The following SNX31 variants were observed in gnomAD, a reference collection of about 807,000 sequenced individuals.
The protein encoded by SNX31 is sorting nexin-31.
SNX31 carries 58 observed loss-of-function variants against 65.4 expected under a neutral mutation model. The ratio of observed to expected loss-of-function variants is 0.89; its 90% CI spans 0.72 to 1.10. The LOEUF (loss-of-function observed/expected upper bound fraction) is 1.10, where lower values mean the gene tolerates loss of function less well. SNX31 is among the 50% of genes least tolerant of loss of function. SNX31 has a pLI of 0.00. For missense variants in SNX31, 523 were observed against 529.7 expected (o/e 0.99, Z 0.12); for synonymous variants, 181 against 190.1 (o/e 0.95, Z 0.39).
chr8:100,635,214 C>T (rs1003049785), intron 3 of SNX31, among the ~76,000 whole-genome samples: 2 of 121,036 alleles, frequency 1.7e-5, no homozygotes, highest in African/African-American at 6.5e-5. Context: ...ATAGTGAGAC[C>T]TCATCTCTTT....
intron 8 of SNX31, among the ~76,000 whole-genome samples, chr8:100,606,291 T>C (rs1445734910): frequency 6.6e-6 from 1 of 152,180 alleles, no homozygotes; most frequent in South Asian, 2.1e-4. Flanking sequence ...TGCTTCAGCC[T>C]CTCAAAGTGC....
chr8:100,608,201 A>G lies in SNX31; in HGVS notation c.681+293T>C, dbSNP rs535467323. Among the ~76,000 whole-genome samples, 3 of 152,344 alleles carry G rather than the reference A, an allele frequency of 2.0e-5. No individual in the cohort carries two copies. In the East Asian group the frequency reaches 5.8e-4, roughly 29 times the overall value. ...ACGTAACTTGTCATTTTAACTATTC[A>G]CAAAATTCAGAGTCATTATATACAT... On this transcript the variant is annotated intron_variant, in intron 8 of 13. Transcript: ENST00000311812.
upstream of SNX31, among the ~76,000 whole-genome samples, chr8:100,653,007 A>G (rs1820001059): frequency 6.6e-6 from 1 of 152,194 alleles, no homozygotes; most frequent in Non-Finnish European, 1.5e-5. Context: ...ACCTATTTTG[A>G]GCAAACACAG....
At chr8:100,586,219 C>A (rs928987769) in intron 11 of SNX31, among the ~76,000 whole-genome samples, 3 of 152,204 alleles carry the variant, frequency 2.0e-5, no homozygotes, top group Admixed American at 1.3e-4. Context: ...CTGCGCCTGG[C>A]CAACAATTCA....
intron 10 of SNX31, among the ~76,000 whole-genome samples, chr8:100,595,832 A>C (rs1815030917): frequency 6.6e-6 from 1 of 152,230 alleles, no homozygotes; most frequent in Non-Finnish European, 1.5e-5. Flanking sequence ...GGGTCTGGGC[A>C]TTGATTTCAG....
At chr8:100,645,011 G>A (rs1819529778) in intron 2 of SNX31, among the ~76,000 whole-genome samples, 1 of 152,232 alleles carries the variant, frequency 6.6e-6, no homozygotes, top group East Asian at 1.9e-4. Context: ...CCCTGGCTGA[G>A]ATGGAGTAGA....
chr8:100,579,917 C>T (rs564463553), intron 12 of SNX31, among the ~76,000 whole-genome samples: 21 of 151,790 alleles, frequency 1.4e-4, no homozygotes, highest in South Asian at 4.2e-4. Flanking sequence ...CTCAGCACTT[C>T]GGGAGGCCAA....
intron 1 of SNX31, among the ~76,000 whole-genome samples, chr8:100,662,585 T>C (rs1809805703): frequency 6.6e-6 from 1 of 152,136 alleles, no homozygotes; most frequent in South Asian, 2.1e-4. Flanking sequence ...TAATCCCAGC[T>C]ACCTGGGAGG....
At position 100,596,859 on chromosome 8, in the gene SNX31, G is replaced by A. The variant is rs552806787; in HGVS notation, c.775-17C>T. The A allele has an allele frequency of 2.5e-6, 4 of 1,611,816 alleles. No homozygotes were observed. The South Asian group carries it at 4.4e-5, about 18-fold the overall frequency. Reference sequence around the variant, plus strand: ...CTCCAAAAACTGCTCCAAAGAGGGTGATGTGGGGGGAGGGGAGGCAAGAGG... The same window carrying A: ...CTCCAAAAACTGCTCCAAAGAGGGTAATGTGGGGGGAGGGGAGGCAAGAGG... On this transcript the variant is annotated splice_polypyrimidine_tract_variant and intron_variant, in intron 9 of 13. Coordinates refer to ENST00000311812, the MANE Select transcript of SNX31 (RefSeq NM_152628.4).
At chr8:100,633,434 A>G (rs1818543055) in intron 3 of SNX31, among the ~76,000 whole-genome samples, 1 of 148,402 alleles carries the variant, frequency 6.7e-6, no homozygotes, top group Admixed American at 6.7e-5. Context: ...ATGGAGTTTC[A>G]CTCTCACTGC....
chr8:100,583,430 T>TA (rs145623574), intron 12 of SNX31, among the ~76,000 whole-genome samples: 7,765 of 150,194 alleles, frequency 0.052, 456 homozygotes, highest in Admixed American at 0.17. Context: ...TCTAATCATT[T>TA]AAAAAAAAAA....
At chr8:100,653,513 C>T (rs573265022), upstream of SNX31, among the ~76,000 whole-genome samples, 22 of 152,274 alleles carry the variant, frequency 1.4e-4, no homozygotes, top group African/African-American at 4.1e-4. Flanking sequence ...CACATGAAGA[C>T]GAGGCAGAGC....
rs1293053617 is a variant in SNX31, at chr8:100,604,974, C to G, written c.681+3520G>C. Among the ~76,000 whole-genome samples the G allele has an allele frequency of 6.6e-6, 1 of 152,100 alleles. No individual in the cohort carries two copies. The highest frequency in any genetic ancestry group is 2.4e-5 in the African/African-American group (1 of 41,402). ...AGTACAGTGACATATTCTTGGCTCC[C>G]TGCAACCTCTGCCTCCTGGGTTCAA... On this transcript the variant is annotated intron_variant, in intron 8 of 13. Coordinates refer to ENST00000311812, the MANE Select transcript of SNX31 (RefSeq NM_152628.4). This position sits in a 1 kb window ranked among gnomAD's most constrained non-coding sequence, Gnocchi z 4.3.
rs1422766683 is a variant in SNX31 at position 100,607,177 on chromosome 8, C to G, written c.681+1317G>C. Among the ~76,000 whole-genome samples, 3 of 152,194 alleles carry G rather than the reference C, an allele frequency of 2.0e-5. No homozygotes were observed. In the East Asian group the frequency reaches 5.8e-4, roughly 29 times the overall value. On this transcript the variant is annotated intron_variant, in intron 8 of 13. Coordinates refer to ENST00000311812, the MANE Select transcript of SNX31 (RefSeq NM_152628.4). Reference sequence around the variant, plus strand: ...TGGAGCAGGGCAGGGCTGTGACCCACCACCCTGCCTGCTGCCTGAGAATAG... The same window carrying G: ...TGGAGCAGGGCAGGGCTGTGACCCAGCACCCTGCCTGCTGCCTGAGAATAG...
rs1369544028 is a variant in SNX31, at chr8:100,613,896, T to C, written c.433-811A>G. On this transcript the variant is annotated intron_variant, in intron 5 of 13. Transcript: ENST00000311812. This position sits in a 1 kb window ranked among gnomAD's most constrained non-coding sequence, Gnocchi z 5.2. The stretch of plus-strand genomic sequence containing the variant: ...TCGAGTAATTTCTTTATACTCCTGG[T>C]CTTAACTCACTAAATCACCTCTGTA... 6.6e-6 allele frequency among the ~76,000 whole-genome samples: 1 copy of C among 152,126 alleles called. No individual in the cohort carries two copies. The highest frequency in any genetic ancestry group is 1.5e-5 in the Non-Finnish European group (1 of 68,006).
At position 100,642,076 on chromosome 8, in the gene SNX31, C is replaced by T. The variant is rs577679291; in HGVS notation, c.142-6065G>A. On this transcript the variant is annotated intron_variant, in intron 2 of 13. Transcript: ENST00000311812. ...CCTGGGCGACAGAGCGAGACTCCAT[C>T]TCAAACAAACAAACAAACAAAATAT... 9.9e-5 allele frequency among the ~76,000 whole-genome samples: 11 copies of T among 111,654 alleles called. No individual in the cohort carries two copies. The South Asian group carries it at 3.2e-3, about 32-fold the overall frequency. The allele number at this position is 111,654 out of a possible 152,430, so 73.2% of individuals were successfully genotyped here.
rs1385988841 is a variant in SNX31 at position 100,630,508 on chromosome 8, A to G, written c.257-117T>C. 1 of 810,358 alleles carries G rather than the reference A, an allele frequency of 1.2e-6. No homozygotes were observed. Among genetic ancestry groups the G allele is most frequent in the African/African-American group, 1.8e-5 (1 of 56,356 alleles). 50.2% of individuals were successfully genotyped at this position (810,358 alleles called of 1,614,324 possible). A position where few individuals can be genotyped will look rare whatever the true frequency, so the allele number is the denominator to read the frequency against. ...TGCCAGTGCTCTGTCTCCTCCCTGAAGTGATAAATGTTGAAACCTCTCAAA... is the reference window on the plus strand; with the variant it reads ...TGCCAGTGCTCTGTCTCCTCCCTGAGGTGATAAATGTTGAAACCTCTCAAA... On this transcript the variant is annotated intron_variant, in intron 3 of 13. Coordinates refer to ENST00000311812, the MANE Select transcript of SNX31 (RefSeq NM_152628.4). The surrounding 1 kb of genome is among the most constrained non-coding windows in gnomAD (Gnocchi z 5.3).
chr8:100,622,695 A>AAT lies in SNX31; in HGVS notation c.322-4966_322-4965insAT, dbSNP rs1357791318. Reference sequence around the variant, plus strand: ...AAATAAATAAATAAATAAATAAATAAAAATAAAAATAAATTAAATGGGGGC... The same window carrying AAT: ...AAATAAATAAATAAATAAATAAATAAATAAATAAAAATAAATTAAATGGGGGC... On this transcript the variant is annotated intron_variant, in intron 4 of 13. Transcript: ENST00000311812. The surrounding 1 kb of genome is among the most constrained non-coding windows in gnomAD (Gnocchi z 5.0). Among the ~76,000 whole-genome samples, 1 of 149,880 alleles carries AAT rather than the reference A, an allele frequency of 6.7e-6. No individual in the cohort carries two copies. Among genetic ancestry groups the AAT allele is most frequent in the Non-Finnish European group, 1.5e-5 (1 of 67,510 alleles).
chr8:100,575,074 T>C lies in SNX31; in HGVS notation c.1228-1114A>G, dbSNP rs1265737748. On this transcript the variant is annotated intron_variant, in intron 13 of 13. Transcript: ENST00000311812. The surrounding 1 kb of genome is among the most constrained non-coding windows in gnomAD (Gnocchi z 5.1). ...GGAAAGTGGAAAGTGAAAAAAAAAATGTGGAGCCCCTCAGTGGGCAGATGG... is the reference window on the plus strand; with the variant it reads ...GGAAAGTGGAAAGTGAAAAAAAAAACGTGGAGCCCCTCAGTGGGCAGATGG... Among the ~76,000 whole-genome samples, 1 of 151,834 alleles carries C rather than the reference T, an allele frequency of 6.6e-6. No homozygotes were observed. The highest frequency in any genetic ancestry group is 3.4e-3 in the Middle Eastern group (1 of 294).
Sources: gnomAD v4.1 joint callset for allele counts (sites outside exome capture counted in the v4.1 genomes callset) on GRCh38, gnomAD v4.1.1 for gene constraint, Gnocchi (gnomAD v3.1) non-coding constraint, MANE v1.5 for transcripts, NCBI Gene and HGNC (gene_info 2026-07-23, HGNC 2026-07-21) for gene names.